TNRC18: variants seen among roughly 807,000 people sequenced by gnomAD.
TNRC18 encodes trinucleotide repeat containing 18, also known as trinucleotide repeat-containing gene 18 protein.
A neutral mutation model predicts 226.7 loss-of-function variants in TNRC18; 69 were observed. The observed-to-expected ratio is 0.30, with a 90% confidence interval of 0.25 to 0.37. The LOEUF is 0.37. Among genes scored for constraint, TNRC18 ranks in the 10% least tolerant of loss-of-function variants. The pLI is 1.00. For synonymous variants in TNRC18, 2,449 were observed against 1,927.6 expected (o/e 1.27, Z -7.09); for missense variants, 4,754 against 4,256.6 (o/e 1.12, Z -3.25).
chr7:5,396,541 A>G (rs528475337), intron 2 of TNRC18, among the ~76,000 whole-genome samples: 9 of 152,114 alleles, frequency 5.9e-5, no homozygotes, highest in Admixed American at 6.6e-5. Flanking sequence ...AATATAAATA[A>G]TAACAATAAC....
In TNRC18 at chr7:5,372,704, G is replaced by A. The variant is rs985783771; in HGVS notation, c.3230-1340C>T. ...CACGGCAGCCTGGGTGACAGAGTGA[G>A]ACTCTATCTCAAAGCAAAACAAAAT... On this transcript the variant is annotated intron_variant, in intron 10 of 29. Transcript: ENST00000430969. 5.9e-5 allele frequency among the ~76,000 whole-genome samples: 9 copies of A among 151,988 alleles called. No homozygotes were observed. The South Asian group carries it at 1.0e-3, about 18-fold the overall frequency.
intron 18 of TNRC18, among the ~76,000 whole-genome samples, chr7:5,337,112 G>A (rs191026747): frequency 1.3e-5 from 2 of 152,000 alleles, no homozygotes; most frequent in African/African-American, 4.8e-5. Context: ...AGATAAACAC[G>A]AACCCCCAGG....
intron 11 of TNRC18, among the ~76,000 whole-genome samples, chr7:5,369,847 C>T (rs745325016): frequency 6.6e-6 from 1 of 152,178 alleles, no homozygotes; most frequent in East Asian, 1.9e-4. Context: ...AGGAAACCTA[C>T]AGACTGGCTG....
chr7:5,383,038 T>C (rs1022819709), intron 5 of TNRC18, among the ~76,000 whole-genome samples: 1 of 152,106 alleles, frequency 6.6e-6, no homozygotes, highest in Non-Finnish European at 1.5e-5. Context: ...GGACTATAGA[T>C]GCCACACCAC....
In TNRC18 at chr7:5,370,553, T is replaced by G. The variant is rs1189786079; in HGVS notation, c.4041A>C (p.Ala1347=). 6.2e-7 allele frequency: 1 copy of G among 1,609,646 alleles called. No homozygotes were observed. Among genetic ancestry groups the G allele is most frequent in the South Asian group, 1.1e-5 (1 of 90,268 alleles). ...DPLAGMNALA[A]AAELPQARPL... ...GCCTGGCCTGGGGCAGCTCCGCAGCTGCCGCCAGGGCGTTCATGCCAGCCA... is the reference window on the plus strand; with the variant it reads ...GCCTGGCCTGGGGCAGCTCCGCAGCGGCCGCCAGGGCGTTCATGCCAGCCA... Residue 1347 remains alanine, a synonymous_variant, in exon 11 of 30, where the codon GCA becomes GCC. Coordinates refer to ENST00000430969, the MANE Select transcript of TNRC18 (RefSeq NM_001080495.3).
In TNRC18 at chr7:5,313,537, G is replaced by C; in HGVS notation, c.7354C>G (p.Arg2452Gly). 1.2e-6 allele frequency: 2 copies of C among 1,611,220 alleles called. No homozygotes were observed. Among genetic ancestry groups the C allele is most frequent in the Admixed American group, 3.4e-5 (2 of 59,682 alleles). Residue 2452 changes from arginine to glycine, a missense_variant, in exon 27 of 30, where the codon CGG becomes GGG. Arg to Gly is a moderately radical substitution (Grantham distance 125). Coordinates refer to ENST00000430969, the MANE Select transcript of TNRC18 (RefSeq NM_001080495.3). ...AGCTCGGCCTCCTCCCCCGGCCTCC[G>C]AGGGCCCTTGGCACCCGACTCCTCG... ...AAEESGAKGP[R>G]RPGEEAELLV...
At chr7:5,367,757 CAA>C (rs34348992) in intron 11 of TNRC18, among the ~76,000 whole-genome samples, 10 of 131,374 alleles carry the variant, frequency 7.6e-5, no homozygotes, top group Admixed American at 2.3e-4. Context: ...TTCTTCTACC[CAA>C]AAAAAAAAAA....
rs762422762 is a variant in TNRC18, at chr7:5,374,456, C to A, written c.2828G>T (p.Arg943Leu). The A allele has an allele frequency of 1.9e-6, 3 of 1,546,886 alleles. No homozygotes were observed. The highest frequency in any genetic ancestry group is 1.2e-5 in the South Asian group (1 of 84,004). The stretch of plus-strand genomic sequence containing the variant: ...GCTCCCCTTCTCTTCCATCTCCGCC[C>A]GGTGCTCCTGCGCCTTCAACCGCTC... ...VQERLKAQEHRAEMEEKGSKR... is the reference protein window; with the variant it reads ...VQERLKAQEHLAEMEEKGSKR... The change falls in exon 10 of 30, where the codon CGG becomes CTG. Residue 943 changes from arginine (R) to leucine (L), a missense_variant. Arg to Leu is a moderately radical substitution (Grantham distance 102). Transcript: ENST00000430969.
At chr7:5,423,045 C>G (rs1255048632) in intron 1 of TNRC18, 1 of 152,410 alleles carries the variant, frequency 6.6e-6, no homozygotes, top group East Asian at 1.9e-4. Flanking sequence ...CCGCTGCGTT[C>G]TCCTTACTTT....
Position 5,389,461 on chromosome 7 carries a change from G to GTTTTTTTTTTTTTTTTTTTTTTTTT in TNRC18, c.488-126_488-125insAAAAAAAAAAAAAAAAAAAAAAAAA, listed in dbSNP as rs754143983. 1.4e-5 allele frequency: 8 copies of GTTTTTTTTTTTTTTTTTTTTTTTTT among 565,540 alleles called. 1 individual carries two copies. Among genetic ancestry groups the GTTTTTTTTTTTTTTTTTTTTTTTTT allele is most frequent in the African/African-American group, 1.4e-4 (5 of 36,758 alleles). 35.0% of individuals were successfully genotyped at this position (565,540 alleles called of 1,614,324 possible). A position where few individuals can be genotyped will look rare whatever the true frequency, so the allele number is the denominator to read the frequency against. ...TGCCTCCCCCAGTGTTTTGGTTTTG[G>GTTTTTTTTTTTTTTTTTTTTTTTTT]TTTTTTTTTTCAGAAAGAGTCTCGC... On this transcript the variant is annotated intron_variant, in intron 4 of 29. Transcript: ENST00000430969.
At chr7:5,356,012 A>G (rs1279061389) in intron 16 of TNRC18, among the ~76,000 whole-genome samples, 1 of 151,958 alleles carries the variant, frequency 6.6e-6, no homozygotes, top group East Asian at 1.9e-4. Flanking sequence ...TAAAAATACA[A>G]AATTAGCTGG....
intron 18 of TNRC18, among the ~76,000 whole-genome samples, chr7:5,338,493 C>T (rs1790336581): frequency 6.6e-6 from 1 of 151,882 alleles, no homozygotes; most frequent in African/African-American, 2.4e-5. Context: ...GGCCTGTAAT[C>T]CCAGCACTTT....
intron 13 of TNRC18, 84 bp downstream of exon 13, chr7:5,361,813 C>G: frequency 6.6e-7 from 1 of 1,519,358 alleles, no homozygotes; most frequent in South Asian, 1.2e-5. Context: ...GCCGGGTCCA[C>G]GCACACCTCG....
At chr7:5,410,486 G>C (rs1027665148) in intron 2 of TNRC18, among the ~76,000 whole-genome samples, 1 of 152,042 alleles carries the variant, frequency 6.6e-6, no homozygotes, top group Non-Finnish European at 1.5e-5. Context: ...GTTTGCTACA[G>C]TCTATGCAGC....
chr7:5,374,098 C>G lies in TNRC18; in HGVS notation c.3186G>C (p.Glu1062Asp). 1 of 1,580,854 alleles carries G rather than the reference C, an allele frequency of 6.3e-7. No homozygotes were observed. The highest frequency in any genetic ancestry group is 8.6e-7 in the Non-Finnish European group (1 of 1,165,758). Residue 1062 changes from glutamate (E) to aspartate (D), a missense_variant, in exon 10 of 30, where the codon GAG (glutamate) becomes GAC (aspartate). Physicochemically the swap from Glu to Asp is conservative, Grantham distance 45. Coordinates refer to ENST00000430969, the MANE Select transcript of TNRC18 (RefSeq NM_001080495.3). The stretch of plus-strand genomic sequence containing the variant: ...AGGGGCTGGGGGCTTCCTTCTCCAA[C>G]TCCAAGTCTTTCTTCTCGACCACAT... ...PENVVEKKDL[E>D]LEKEAPSPFQ...
At chr7:5,338,715 G>A (rs1269078961) in intron 18 of TNRC18, among the ~76,000 whole-genome samples, 1 of 151,540 alleles carries the variant, frequency 6.6e-6, no homozygotes, top group East Asian at 1.9e-4. Context: ...GAGGTCGGGA[G>A]TTTGAGACCA....
intron 2 of TNRC18, among the ~76,000 whole-genome samples, chr7:5,418,482 G>A (rs1355061814): frequency 6.6e-6 from 1 of 152,176 alleles, no homozygotes; most frequent in East Asian, 1.9e-4. Flanking sequence ...TTCTCCGAGG[G>A]CCCCTCCAGC....
At chr7:5,334,096 G>A (rs185438026) in intron 18 of TNRC18, among the ~76,000 whole-genome samples, 2 of 152,248 alleles carry the variant, frequency 1.3e-5, no homozygotes, top group Admixed American at 6.5e-5. Flanking sequence ...CAACCTCAGG[G>A]AGAGCCAGTG....
chr7:5,313,025 G>A lies in TNRC18; in HGVS notation c.7866C>T (p.Ser2622=), dbSNP rs778943778. The change falls in exon 27 of 30, where the codon TCC becomes TCT. Residue 2622 remains serine, a synonymous_variant. Coordinates refer to ENST00000430969, the MANE Select transcript of TNRC18 (RefSeq NM_001080495.3). ...AGGATGAGGAGGAGGAGGAGGAGGA[G>A]GAGGAGGATGAGGAGGAGGAGGAGG... is the stretch of plus-strand genomic sequence containing the variant. ...PASSSSSSSS[S]SSSSSSSSSS... The A allele has an allele frequency of 5.7e-6, 5 of 871,680 alleles. No homozygotes were observed. The highest frequency in any genetic ancestry group is 3.2e-4 in the Middle Eastern group (1 of 3,114). 54.0% of individuals were successfully genotyped at this position (871,680 alleles called of 1,614,324 possible).
Sources: gnomAD v4.1 joint callset for allele counts (sites outside exome capture counted in the v4.1 genomes callset) on GRCh38, gnomAD v4.1.1 for gene constraint, MANE v1.5 for transcripts, NCBI Gene and HGNC (gene_info 2026-07-23, HGNC 2026-07-21) for gene names.